The following PANX3 variants were observed in gnomAD, a reference collection of about 807,000 sequenced individuals.
PANX3 encodes the protein pannexin 3, also known as pannexin-3.
Under a neutral mutation model 31.5 loss-of-function variants are expected in PANX3, and 18 were observed. That is an observed-to-expected ratio of 0.57 (90% CI 0.39 to 0.85). The LOEUF is 0.85. Among genes scored for constraint, PANX3 ranks in the 40% least tolerant of loss-of-function variants. The pLI, the probability that PANX3 is intolerant of heterozygous loss-of-function variation, is 0.00. For missense variants in PANX3, 426 were observed against 485.4 expected (o/e 0.88, Z 1.15); for synonymous variants, 194 against 201.6 (o/e 0.96, Z 0.32).
intron 2 of PANX3, among the ~76,000 whole-genome samples, chr11:124,615,445 T>C (rs988498124): frequency 5.3e-5 from 8 of 152,196 alleles, no homozygotes; most frequent in African/African-American, 1.9e-4. Context: ...CTTCAAATTC[T>C]CTTCTGAAAT....
chr11:124,613,698 A>G (rs1163806830), intron 2 of PANX3, among the ~76,000 whole-genome samples: 1 of 152,096 alleles, frequency 6.6e-6, no homozygotes, highest in Non-Finnish European at 1.5e-5. Flanking sequence ...CATTACAGAA[A>G]GGATCTGCGG....
Position 124,617,443 on chromosome 11 carries a change from G to C in PANX3, c.494G>C (p.Arg165Pro), listed in dbSNP as rs558525394. The C allele has an allele frequency of 1.2e-6, 2 of 1,614,224 alleles. No individual in the cohort carries two copies. Among genetic ancestry groups the C allele is most frequent in the Admixed American group, 1.7e-5 (1 of 60,030 alleles). Residue 165 changes from arginine (R) to proline (P), a missense_variant, in exon 3 of 4, where the codon CGG (arginine) becomes CCG (proline). Physicochemically the swap from Arg to Pro is moderately radical, Grantham distance 103. Coordinates refer to ENST00000284288, the MANE Select transcript of PANX3 (RefSeq NM_052959.3). ...IRLVQHMLKI[R>P]QKSSDPYVFW... ...CTCGTGCAGCACATGCTGAAGATCC[G>C]GCAGAAGAGTTCCGACCCCTATGTG...
intron 2 of PANX3, among the ~76,000 whole-genome samples, chr11:124,615,389 T>C (rs1863141807): frequency 2.0e-5 from 3 of 152,302 alleles, no homozygotes; most frequent in East Asian, 3.9e-4. Context: ...CCCCACACCT[T>C]TCTTTTCTAC....
chr11:124,618,808 C>G (rs1344965049), intron 3 of PANX3, among the ~76,000 whole-genome samples: 1 of 152,158 alleles, frequency 6.6e-6, no homozygotes, highest in Non-Finnish European at 1.5e-5. Context: ...CTACACCCAG[C>G]TAATTTTTGT....
In PANX3 at chr11:124,619,856, A is replaced by G; in HGVS notation, c.1100A>G (p.Asp367Gly). Residue 367 changes from aspartate (D) to glycine (G), a missense_variant, in exon 4 of 4, where the codon GAT (aspartate) becomes GGT (glycine). By Grantham distance (94) the Asp-to-Gly change is moderately conservative (BLOSUM62 -1). Coordinates refer to ENST00000284288, the MANE Select transcript of PANX3 (RefSeq NM_052959.3). ...AAGCACAATATTGACACAGTAGTTG[A>G]TTTTATGACTTTATTGGCTGGCTTA... ...TQKHNIDTVV[D>G]FMTLLAGLEP... 6.2e-7 allele frequency: 1 copy of G among 1,614,132 alleles called. No homozygotes were observed.
rs1241246092 is a variant in PANX3 at position 124,620,103 on chromosome 11, A to ATATC, written c.*170_*171insTCTA. On this transcript the variant is annotated 3_prime_UTR_variant, in exon 4 of 4. Coordinates refer to ENST00000284288, the MANE Select transcript of PANX3 (RefSeq NM_052959.3). ...CATGTTATCCTAAAAGTGAGAAGAC[A>ATATC]TAACCAAGACATGGAAATAAATGTG... 7.9e-6 allele frequency: 6 copies of ATATC among 758,806 alleles called. No homozygotes were observed. The highest frequency in any genetic ancestry group is 3.4e-5 in the Admixed American group (1 of 29,786). 47.0% of individuals were successfully genotyped at this position (758,806 alleles called of 1,614,324 possible). A position where few individuals can be genotyped will look rare whatever the true frequency, so the allele number is the denominator to read the frequency against.
At chr11:124,611,774 T>C (rs1460532680) in intron 1 of PANX3, 37 bp downstream of exon 1, 1 of 1,586,198 alleles carries the variant, frequency 6.3e-7, no homozygotes, top group Non-Finnish European at 8.6e-7. Flanking sequence ...CAAGAGAGAC[T>C]CCCCCTCATG....
Position 124,619,721 on chromosome 11 carries a change from C to G in PANX3, c.965C>G (p.Pro322Arg). Reference sequence around the variant, plus strand: ...CTCAGCAGAAAGATGCTAGGATGTCCCATCAATGACCTCAATGTGATCCTT... The same window carrying G: ...CTCAGCAGAAAGATGCTAGGATGTCGCATCAATGACCTCAATGTGATCCTT... ...DLLSRKMLGC[P>R]INDLNVILLF... is the part of the protein sequence containing the mutation. Residue 322 changes from proline (P) to arginine (R), a missense_variant, in exon 4 of 4, where the codon CCC becomes CGC. Coordinates refer to ENST00000284288, the MANE Select transcript of PANX3 (RefSeq NM_052959.3). The G allele has an allele frequency of 6.2e-7, 1 of 1,614,092 alleles. No individual in the cohort carries two copies. The highest frequency in any genetic ancestry group is 8.5e-7 in the Non-Finnish European group (1 of 1,180,024).
Position 124,611,790 on chromosome 11 carries a change from C to A in PANX3, c.181+53C>A, listed in dbSNP as rs549800673. 238 of 1,561,464 alleles carry A rather than the reference C, an allele frequency of 1.5e-4. 3 individuals are homozygous for A. The South Asian group carries it at 2.6e-3, about 17-fold the overall frequency. On this transcript the variant is annotated intron_variant, in intron 1 of 3. Transcript: ENST00000284288. ...AAGAGAGACTCCCCCTCATGTCACT[C>A]TCTGCATGGGCTCTGAAGTGAGATG...
At chr11:124,614,938 G>C (rs2134310982) in intron 2 of PANX3, among the ~76,000 whole-genome samples, 1 of 152,090 alleles carries the variant, frequency 6.6e-6, no homozygotes, top group East Asian at 1.9e-4. Context: ...ACCTCCCAAA[G>C]TGCTGGGATT....
chr11:124,617,166 C>T, intron 2 of PANX3, 108 bp from the exon 3 acceptor site: 2 of 932,914 alleles, frequency 2.1e-6, no homozygotes. Context: ...CCCAAACAGC[C>T]TTCCCCTGCT....
chr11:124,619,205 A>G, intron 3 of PANX3, 91 bp from the exon 4 acceptor site: 1 of 1,361,606 alleles, frequency 7.3e-7, no homozygotes, highest in Non-Finnish European at 1.0e-6. Flanking sequence ...TGCCATGTTG[A>G]AAACAGATCT....
At chr11:124,619,199 ATGT>A in intron 3 of PANX3, 94 bp from the exon 4 acceptor site, 1 of 1,293,884 alleles carries the variant, frequency 7.7e-7, no homozygotes, top group Non-Finnish European at 1.1e-6. Flanking sequence ...CAAGAATGCC[ATGT>A]TGAAAACAGA....
chr11:124,611,829 C>T (rs964608183), intron 1 of PANX3, 92 bp downstream of exon 1: 15 of 1,370,730 alleles, frequency 1.1e-5, no homozygotes, highest in East Asian at 9.7e-5. Context: ...CGCACAGTGA[C>T]GGGATTCCAT....
Position 124,616,634 on chromosome 11 carries a change from T to C in PANX3, c.325-640T>C, listed in dbSNP as rs536331257. Among the ~76,000 whole-genome samples the C allele has an allele frequency of 6.6e-6, 1 of 152,292 alleles. No homozygotes were observed. The highest frequency in any genetic ancestry group is 2.4e-5 in the African/African-American group (1 of 41,568). On this transcript the variant is annotated intron_variant, in intron 2 of 3. Coordinates refer to ENST00000284288, the MANE Select transcript of PANX3 (RefSeq NM_052959.3). This position sits in a 1 kb window ranked among gnomAD's most constrained non-coding sequence, Gnocchi z 4.8. ...GACAAGGCTTATGGATTCCTGAAAG[T>C]CACTTATAGATTTACATGCCTGAAA...
intron 2 of PANX3, among the ~76,000 whole-genome samples, chr11:124,614,201 A>G (rs1863127198): frequency 6.6e-6 from 1 of 150,796 alleles, no homozygotes; most frequent in Non-Finnish European, 1.5e-5. Context: ...AGAAAAATAA[A>G]TTCTGTGGTA....
rs1863195491 is a variant in PANX3, at chr11:124,619,737, T to C, written c.981T>C (p.Asn327=). ...TAGGATGTCCCATCAATGACCTCAA[T>C]GTGATCCTTCTTTTCCTCCGAGCTA... ...KMLGCPINDL[N]VILLFLRANI... is the part of the protein sequence containing the mutation. The change falls in exon 4 of 4, where the codon AAT becomes AAC. Residue 327 remains asparagine (N), a synonymous_variant. Coordinates refer to ENST00000284288, the MANE Select transcript of PANX3 (RefSeq NM_052959.3). 1 of 1,614,128 alleles carries C rather than the reference T, an allele frequency of 6.2e-7. No homozygotes were observed.
At position 124,611,514 on chromosome 11, in the gene PANX3, G is replaced by T; in HGVS notation, c.-43G>T. ...GCCGTCTCCTCATTCCACCATCCCAGGACCCCTGCTGCCACCTCTGCACCC... is the reference window on the plus strand; with the variant it reads ...GCCGTCTCCTCATTCCACCATCCCATGACCCCTGCTGCCACCTCTGCACCC... On this transcript the variant is annotated 5_prime_UTR_variant, in exon 1 of 4. The change creates a new upstream start codon in the 5' untranslated region. Transcript: ENST00000284288. The T allele has an allele frequency of 6.4e-7, 1 of 1,556,162 alleles. No homozygotes were observed. Among genetic ancestry groups the T allele is most frequent in the Non-Finnish European group, 8.7e-7 (1 of 1,146,232 alleles).
At position 124,611,747 on chromosome 11, in the gene PANX3, T is replaced by C; in HGVS notation, c.181+10T>C. On this transcript the variant is annotated intron_variant, in intron 1 of 3. Coordinates refer to ENST00000284288, the MANE Select transcript of PANX3 (RefSeq NM_052959.3). The stretch of plus-strand genomic sequence containing the variant: ...CAGGAGTTCTCCTCTGGTAAGTTGC[T>C]TCCAAGACCCAGTGCGCAAGAGAGA... 1 of 1,612,072 alleles carries C rather than the reference T, an allele frequency of 6.2e-7. No individual in the cohort carries two copies.
Sources: allele counts gnomAD v4.1 joint callset (sites outside exome capture counted in the v4.1 genomes callset), GRCh38; gene constraint gnomAD v4.1.1; non-coding constraint Gnocchi (gnomAD v3.1); transcripts MANE v1.5; gene names NCBI Gene and HGNC (gene_info 2026-07-23, HGNC 2026-07-21).